Variants in LY75 observed in about 807,000 individuals in gnomAD.
LY75 encodes the protein lymphocyte antigen 75.
A neutral mutation model predicts 231.7 loss-of-function variants in LY75; 185 were observed. The observed-to-expected ratio is 0.80, with a 90% CI of 0.71 to 0.90. The LOEUF (loss-of-function observed/expected upper bound fraction) is 0.90, where lower values mean the gene tolerates loss of function less well. Among genes scored for constraint, LY75 ranks in the 40% least tolerant of loss-of-function variants. LY75 has a pLI of 0.00. For missense variants in LY75, 1,947 were observed against 2,050.2 expected (o/e 0.95, Z 0.97); for synonymous variants, 668 against 689.0 (o/e 0.97, Z 0.48).
chr2:159,822,539 G>A (rs1441231090), intron 28 of LY75, among the ~76,000 whole-genome samples: 3 of 152,166 alleles, frequency 2.0e-5, no homozygotes, highest in Non-Finnish European at 2.9e-5. Context: ...CACAGTCAGG[G>A]ACTTATAGCA....
chr2:159,885,043 A>G, intron 6 of LY75, 110 bp downstream of exon 6: 1 of 1,443,824 alleles, frequency 6.9e-7, no homozygotes, highest in Non-Finnish European at 9.3e-7. Flanking sequence ...TACTGTCAGT[A>G]TCAGGAGAAG....
intron 13 of LY75, among the ~76,000 whole-genome samples, chr2:159,869,220 G>A (rs1001269087): frequency 6.6e-6 from 1 of 151,690 alleles, no homozygotes; most frequent in African/African-American, 2.4e-5. Context: ...AATGGGTGCA[G>A]CAAACCAACA....
chr2:159,815,724 T>C (rs7577691), intron 30 of LY75, 151 bp from the exon 31 acceptor site: 2 of 917,016 alleles, frequency 2.2e-6, no homozygotes, highest in Non-Finnish European at 3.1e-6. Flanking sequence ...TTATTGTAGG[T>C]CTGATTTACT....
At chr2:159,859,566 T>A (rs1432741605) in intron 15 of LY75, among the ~76,000 whole-genome samples, 2 of 152,220 alleles carry the variant, frequency 1.3e-5, no homozygotes, top group African/African-American at 4.8e-5. Context: ...TAGCTTGGAT[T>A]CAAAATATCT....
At chr2:159,875,713 C>T in intron 11 of LY75, 70 bp from the exon 12 acceptor site, 2 of 1,564,108 alleles carry the variant, frequency 1.3e-6, no homozygotes, top group Non-Finnish European at 1.7e-6. Flanking sequence ...AGTGTTTCTA[C>T]TCTTTACTTC....
At chr2:159,894,859 G>A (rs1685867307) in intron 2 of LY75, among the ~76,000 whole-genome samples, 1 of 152,196 alleles carries the variant, frequency 6.6e-6, no homozygotes, top group Non-Finnish European at 1.5e-5. Context: ...GCCTGGAAAT[G>A]CTGGAAAGAA....
intron 16 of LY75, among the ~76,000 whole-genome samples, 156 bp downstream of exon 16, chr2:159,858,206 G>A (rs538039569): frequency 3.9e-5 from 6 of 152,222 alleles, no homozygotes; most frequent in South Asian, 2.1e-4. Context: ...ATTAGAAGCC[G>A]GAGTCAGGCA....
intron 13 of LY75, among the ~76,000 whole-genome samples, chr2:159,867,259 G>A (rs542192050): frequency 1.3e-5 from 2 of 152,066 alleles, no homozygotes; most frequent in African/African-American, 2.4e-5. Context: ...AAATAATAGC[G>A]ACATGTATGT....
intron 31 of LY75, among the ~76,000 whole-genome samples, chr2:159,815,094 G>A (rs997894458): frequency 6.7e-6 from 1 of 148,604 alleles, no homozygotes; most frequent in Non-Finnish European, 1.5e-5. Context: ...TCCGCCTCCC[G>A]GGTTCACGCC....
intron 25 of LY75, among the ~76,000 whole-genome samples, chr2:159,838,674 A>C (rs1435116822): frequency 6.6e-6 from 1 of 152,206 alleles, no homozygotes; most frequent in Non-Finnish European, 1.5e-5. Flanking sequence ...GTTTCACAGA[A>C]TTTCCAATGC....
intron 28 of LY75, among the ~76,000 whole-genome samples, chr2:159,820,298 G>A (rs1292595097): frequency 6.6e-6 from 1 of 152,082 alleles, no homozygotes; most frequent in Non-Finnish European, 1.5e-5. Context: ...CAATCAACAA[G>A]TGAACAAAGA....
chr2:159,874,742 T>TAC, intron 12 of LY75, among the ~76,000 whole-genome samples: 1 of 75,910 alleles, frequency 1.3e-5, no homozygotes, highest in African/African-American at 4.3e-5. Flanking sequence ...TATATGTAAA[T>TAC]ATATATATTT....
At chr2:159,850,789 T>A (rs187869623) in intron 21 of LY75, among the ~76,000 whole-genome samples, 18 of 88,654 alleles carry the variant, frequency 2.0e-4, no homozygotes, top group Middle Eastern at 5.0e-3. Flanking sequence ...TATATATATA[T>A]ATATATATAT....
rs138466868 is a variant in LY75, at chr2:159,842,521, T to C, written c.3151-147A>G. On this transcript the variant is annotated intron_variant, in intron 23 of 34. Coordinates refer to ENST00000263636, the MANE Select transcript of LY75 (RefSeq NM_002349.4). ...ACCATGACATTTCCTAGAAAATCTT[T>C]AAAAACTTTCAAAGCATGGATAAAG... 2.9e-5 allele frequency: 32 copies of C among 1,116,604 alleles called. 1 individual carries two copies. The African/African-American group carries it at 5.0e-4, about 17-fold the overall frequency. 69.2% of individuals were successfully genotyped at this position (1,116,604 alleles called of 1,614,324 possible). A position where few individuals can be genotyped will look rare whatever the true frequency, so the allele number is the denominator to read the frequency against.
At chr2:159,863,115 C>A (rs1235310010) in intron 14 of LY75, among the ~76,000 whole-genome samples, 1 of 151,494 alleles carries the variant, frequency 6.6e-6, no homozygotes. Context: ...CCAGGGTCAC[C>A]CATGTTGTCA....
Position 159,804,181 on chromosome 2 carries a change from T to C in LY75, c.*863A>G, listed in dbSNP as rs1475946883. ...GGTATGAAATAACTTTGGAATAATA[T>C]AAGAAACATCTTGCCAAGAGGAATC... is the stretch of plus-strand genomic sequence containing the variant. On this transcript the variant is annotated 3_prime_UTR_variant, in exon 35 of 35. Coordinates refer to ENST00000263636, the MANE Select transcript of LY75 (RefSeq NM_002349.4). 1.3e-5 allele frequency: 2 copies of C among 152,162 alleles called. No individual in the cohort carries two copies. The highest frequency in any genetic ancestry group is 2.9e-5 in the Non-Finnish European group (2 of 68,024). The allele number at this position is 152,162 out of a possible 1,614,324, so 9.4% of individuals were successfully genotyped here. A position where few individuals can be genotyped will look rare whatever the true frequency, so the allele number is the denominator to read the frequency against.
rs970431305 is a variant in LY75, at chr2:159,803,429, A to G, written c.*1615T>C. On this transcript the variant is annotated 3_prime_UTR_variant, in exon 35 of 35. Transcript: ENST00000263636. ...ATATACAGCTGTGCTTTTCACATCA[A>G]GTTGGCTTAGTTCTTGGAGGAAAGT... 2 of 152,232 alleles carry G rather than the reference A, an allele frequency of 1.3e-5. No individual in the cohort carries two copies. The highest frequency in any genetic ancestry group is 2.9e-5 in the Non-Finnish European group (2 of 68,034). 9.4% of individuals were successfully genotyped at this position (152,232 alleles called of 1,614,324 possible). A position where few individuals can be genotyped will look rare whatever the true frequency, so the allele number is the denominator to read the frequency against.
At chr2:159,827,030 A>G (rs995036016) in intron 28 of LY75, among the ~76,000 whole-genome samples, 2 of 152,212 alleles carry the variant, frequency 1.3e-5, no homozygotes, top group African/African-American at 4.8e-5. Context: ...GGGCAATACC[A>G]TCCAGGACAT....
At chr2:159,805,359 G>T in intron 34 of LY75, 137 bp from the exon 35 acceptor site, 2 of 565,030 alleles carry the variant, frequency 3.5e-6, no homozygotes, top group Non-Finnish European at 6.2e-6. Context: ...GTTTCATAGC[G>T]CTAACATAGA....
Sources: allele counts gnomAD v4.1 joint callset (sites outside exome capture counted in the v4.1 genomes callset), GRCh38; gene constraint gnomAD v4.1.1; transcripts MANE v1.5; gene names NCBI Gene and HGNC (gene_info 2026-07-23, HGNC 2026-07-21).